AFAP1: variants seen among roughly 807,000 people sequenced by gnomAD.
The protein encoded by AFAP1 is actin filament-associated protein 1.
AFAP1 carries 75 observed loss-of-function variants against 93.9 expected under a neutral mutation model. The observed-to-expected ratio is 0.80, with a 90% CI of 0.66 to 0.97. The LOEUF (loss-of-function observed/expected upper bound fraction) is 0.97. AFAP1 is among the 50% of genes least tolerant of loss of function. AFAP1 has a pLI of 0.00. For synonymous variants in AFAP1, 517 were observed against 430.7 expected, an observed-to-expected ratio of 1.20 and a Z score of -2.48; for missense variants, 1,201 against 1,050.8, an observed-to-expected ratio of 1.14 and a Z score of -1.98.
At chr4:7,792,829 G>T (rs1483493900) in intron 11 of AFAP1, among the ~76,000 whole-genome samples, 3 of 152,164 alleles carry the variant, frequency 2.0e-5, no homozygotes, top group African/African-American at 7.2e-5. Flanking sequence ...CATCTTAAGT[G>T]AAACCAGCAT....
chr4:7,844,234 G>C (rs796780761), intron 4 of AFAP1, among the ~76,000 whole-genome samples: 1 of 151,924 alleles, frequency 6.6e-6, no homozygotes, highest in East Asian at 1.9e-4. Flanking sequence ...AGTTAAATGA[G>C]GTCCTAAGGG....
chr4:7,860,988 C>T (rs547119535), intron 3 of AFAP1, among the ~76,000 whole-genome samples: 3 of 152,350 alleles, frequency 2.0e-5, no homozygotes, highest in Admixed American at 1.3e-4. Flanking sequence ...ACCTTCTTCC[C>T]TACCCCTGCC....
At chr4:7,875,255 C>T (rs1321613757) in intron 1 of AFAP1, among the ~76,000 whole-genome samples, 1 of 152,138 alleles carries the variant, frequency 6.6e-6, no homozygotes, top group Non-Finnish European at 1.5e-5. Flanking sequence ...CTGAGGCTGC[C>T]GTGCACCATC....
chr4:7,826,731 C>A (rs1428847815), intron 6 of AFAP1, among the ~76,000 whole-genome samples: 1 of 152,170 alleles, frequency 6.6e-6, no homozygotes, highest in Non-Finnish European at 1.5e-5. Context: ...CAAGGTGAAG[C>A]TGCAACAACG....
At position 7,874,735 on chromosome 4, in the gene AFAP1, A is replaced by G. The variant is rs142232934; in HGVS notation, c.-2-2655T>C. On this transcript the variant is annotated intron_variant, in intron 1 of 17. Transcript: ENST00000420658. ...AATATCTCACACAGTCTGAGTGAAG[A>G]AGTAAATATGAGAATCAGCTATCTT... Among the ~76,000 whole-genome samples the G allele has an allele frequency of 4.2e-3, 635 of 151,742 alleles. 3 individuals carry two copies. The highest frequency in any genetic ancestry group is 0.015 in the African/African-American group (612 of 41,358).
intron 1 of AFAP1, among the ~76,000 whole-genome samples, chr4:7,881,939 T>C (rs1260258816): frequency 6.6e-6 from 1 of 152,174 alleles, no homozygotes; most frequent in Non-Finnish European, 1.5e-5. Context: ...TATCTCAGCA[T>C]CATCATGAGG....
intron 1 of AFAP1, among the ~76,000 whole-genome samples, chr4:7,919,281 G>T (rs11735005): frequency 0.33 from 50,279 of 152,152 alleles, 9,535 homozygotes; most frequent in Non-Finnish European, 0.44. Flanking sequence ...GCTAGCAAAT[G>T]CAAAACAGAG....
At chr4:7,877,241 T>C (rs547506746) in intron 1 of AFAP1, among the ~76,000 whole-genome samples, 3 of 152,342 alleles carry the variant, frequency 2.0e-5, no homozygotes, top group South Asian at 2.1e-4. Flanking sequence ...GGTTTTCAAA[T>C]GAGTGACTTC....
chr4:7,824,499 A>T (rs1041849210), intron 6 of AFAP1, among the ~76,000 whole-genome samples: 3 of 152,194 alleles, frequency 2.0e-5, no homozygotes, highest in African/African-American at 7.2e-5. Flanking sequence ...GGAGACAGAG[A>T]GCAGAAACAA....
At chr4:7,848,997 G>A (rs1714125288) in intron 4 of AFAP1, among the ~76,000 whole-genome samples, 2 of 152,182 alleles carry the variant, frequency 1.3e-5, no homozygotes, top group African/African-American at 4.8e-5. Context: ...AAGGCGGTTA[G>A]GGCGTCACGA....
At chr4:7,836,572 G>A (rs1712325317) in intron 6 of AFAP1, among the ~76,000 whole-genome samples, 1 of 152,172 alleles carries the variant, frequency 6.6e-6, no homozygotes, top group Admixed American at 6.5e-5. Flanking sequence ...TCAGTCTCCA[G>A]AGTAGCTGGG....
chr4:7,795,154 C>A (rs1170587235), intron 10 of AFAP1, among the ~76,000 whole-genome samples: 1 of 152,068 alleles, frequency 6.6e-6, no homozygotes, highest in Non-Finnish European at 1.5e-5. Context: ...GGGATGTTAA[C>A]AAACAAGCAG....
chr4:7,784,512 A>G (rs188254680), intron 12 of AFAP1, among the ~76,000 whole-genome samples: 3 of 152,288 alleles, frequency 2.0e-5, no homozygotes, highest in African/African-American at 7.2e-5. Context: ...CACCCAGCCA[A>G]TAAGGCAAGG....
At chr4:7,833,191 C>T (rs901416749) in intron 6 of AFAP1, among the ~76,000 whole-genome samples, 1 of 151,988 alleles carries the variant, frequency 6.6e-6, no homozygotes, top group South Asian at 2.1e-4. Flanking sequence ...CATGGCAAAA[C>T]CAGTCAGCAG....
At chr4:7,805,953 C>T (rs1278057983) in intron 9 of AFAP1, among the ~76,000 whole-genome samples, 1 of 152,066 alleles carries the variant, frequency 6.6e-6, no homozygotes. Flanking sequence ...ATGAGGTGAG[C>T]CAGTCAAAAG....
rs773622438 is a variant in AFAP1, at chr4:7,778,897, G to A, written c.1783-21C>T. On this transcript the variant is annotated intron_variant, in intron 13 of 17. Transcript: ENST00000420658. Reference sequence around the variant, plus strand: ...TTGAGCTGTTGAAATAAACATATAAGAACATTAAAAATAAACACAAAGTCA... The same window carrying A: ...TTGAGCTGTTGAAATAAACATATAAAAACATTAAAAATAAACACAAAGTCA... The A allele has an allele frequency of 6.0e-6, 9 of 1,501,794 alleles. No homozygotes were observed. In the Admixed American group the frequency reaches 1.6e-4, roughly 26 times the overall value. 93.0% of individuals were successfully genotyped at this position (1,501,794 alleles called of 1,614,324 possible). A position where few individuals can be genotyped will look rare whatever the true frequency, so the allele number is the denominator to read the frequency against.
intron 16 of AFAP1, among the ~76,000 whole-genome samples, chr4:7,770,191 G>A (rs1715223739): frequency 1.3e-5 from 2 of 152,236 alleles, no homozygotes; most frequent in Admixed American, 1.3e-4. Context: ...AGCAAGCCAG[G>A]CGTGGGCCCC....
chr4:7,896,916 G>C (rs1362818929), intron 1 of AFAP1, among the ~76,000 whole-genome samples: 1 of 152,006 alleles, frequency 6.6e-6, no homozygotes, highest in East Asian at 1.9e-4. Flanking sequence ...GACACGGTGT[G>C]ACACGGTGTA....
intron 6 of AFAP1, among the ~76,000 whole-genome samples, chr4:7,821,872 A>G (rs1244674904): frequency 6.6e-6 from 1 of 152,192 alleles, no homozygotes; most frequent in African/African-American, 2.4e-5. Flanking sequence ...CAACAGAGTG[A>G]TGTCCACAGT....
Sources: gnomAD v4.1 joint callset for allele counts (sites outside exome capture counted in the v4.1 genomes callset) on GRCh38, gnomAD v4.1.1 for gene constraint, MANE v1.5 for transcripts, NCBI Gene and HGNC (gene_info 2026-07-23, HGNC 2026-07-21) for gene names.